The following DNAH9 variants were observed in gnomAD, a reference collection of about 807,000 sequenced individuals.
DNAH9 encodes the protein DNAH9 variant protein.
A neutral mutation model predicts 471.6 loss-of-function variants in DNAH9; 345 were observed. That is an observed-to-expected ratio of 0.73 (90% confidence interval 0.67 to 0.80). The LOEUF is 0.80. Ranked by LOEUF, DNAH9 falls within the 30% of genes least tolerant of loss-of-function variation. DNAH9 has a pLI of 0.00. For missense variants in DNAH9, 5,407 were observed against 5,609.2 expected, an observed-to-expected ratio of 0.96 and a Z score of 1.15; for synonymous variants, 2,093 against 2,123.6, an observed-to-expected ratio of 0.99 and a Z score of 0.40.
chr17:11,716,840 A>G (rs915074642), intron 26 of DNAH9, among the ~76,000 whole-genome samples: 4 of 152,144 alleles, frequency 2.6e-5, no homozygotes, highest in South Asian at 2.1e-4. Context: ...CAGGGATTGA[A>G]GACTCTGCTA....
rs887406446 is a variant in DNAH9 at position 11,781,114 on chromosome 17, A to G, written c.7658A>G (p.Asp2553Gly). 6.2e-7 allele frequency: 1 copy of G among 1,614,074 alleles called. No homozygotes were observed. The highest frequency in any genetic ancestry group is 8.5e-7 in the Non-Finnish European group (1 of 1,180,052). The change falls in exon 39 of 69, where the codon GAT (aspartate) becomes GGT (glycine). Residue 2553 changes from aspartate (D) to glycine (G), a missense_variant. Asp to Gly is a moderately conservative substitution (Grantham distance 94, BLOSUM62 -1). This residue lies in a region of DNAH9 where 4,636 missense variants were observed against 4,900.3 expected (regional missense o/e 0.95). Coordinates refer to ENST00000262442, the MANE Select transcript of DNAH9 (RefSeq NM_001372.4). The stretch of plus-strand genomic sequence containing the variant: ...GATGACATGAACATGCCTGAGGTGG[A>G]TGCCTACGGGACGGTGCAGCCCCAC... The part of the protein sequence containing the change: ...FIDDMNMPEV[D>G]AYGTVQPHTI...
At chr17:11,726,138 C>T (rs1243899996) in intron 27 of DNAH9, among the ~76,000 whole-genome samples, 1 of 152,142 alleles carries the variant, frequency 6.6e-6, no homozygotes, top group Non-Finnish European at 1.5e-5. Context: ...AGCCTTACCC[C>T]TTCCATTCTA....
At chr17:11,786,807 G>A (rs1169449720) in intron 41 of DNAH9, among the ~76,000 whole-genome samples, 5 of 152,206 alleles carry the variant, frequency 3.3e-5, no homozygotes, top group Non-Finnish European at 7.3e-5. Flanking sequence ...AGACATGGGA[G>A]TGGAGATTGT....
At chr17:11,752,392 G>T (rs1967193575) in intron 32 of DNAH9, among the ~76,000 whole-genome samples, 1 of 152,210 alleles carries the variant, frequency 6.6e-6, no homozygotes, top group Non-Finnish European at 1.5e-5. Flanking sequence ...GTTATGAAAA[G>T]TTAGACTAAA....
intron 15 of DNAH9, among the ~76,000 whole-genome samples, chr17:11,665,724 T>C (rs1386669057): frequency 2.6e-5 from 4 of 152,124 alleles, no homozygotes; most frequent in Middle Eastern, 6.3e-3. Flanking sequence ...AAATAACCTA[T>C]AGAAGGATTT....
Position 11,598,512 on chromosome 17 carries a change from A to G in DNAH9, c.14A>G (p.Glu5Gly). The G allele has an allele frequency of 7.4e-7, 1 of 1,346,728 alleles. No individual in the cohort carries two copies. The highest frequency in any genetic ancestry group is 3.1e-5 in the East Asian group (1 of 32,748). The allele number at this position is 1,346,728 out of a possible 1,614,324, so 83.4% of individuals were successfully genotyped here. ...AGGCCGCGCGCGATGCGGCTCGCGG[A>G]GGAGCGGGCCGCGCTCGCGGCGGAG... is the stretch of plus-strand genomic sequence containing the variant. The part of the protein sequence containing the change: MRLA[E>G]ERAALAAENA... The change falls in exon 1 of 69, where the codon GAG becomes GGG. Residue 5 changes from glutamate (E) to glycine (G), a missense_variant. Glu to Gly is a moderately conservative substitution (Grantham distance 98). Around this residue, in one of 3 missense-constraint regions of DNAH9, gnomAD observed 767 missense variants for 692.5 expected, o/e 1.11. Coordinates refer to ENST00000262442, the MANE Select transcript of DNAH9 (RefSeq NM_001372.4).
chr17:11,874,753 A>AG (rs992290214), intron 52 of DNAH9, among the ~76,000 whole-genome samples, 196 bp from the exon 53 acceptor site: 9 of 123,656 alleles, frequency 7.3e-5, no homozygotes, highest in Admixed American at 1.5e-4. Flanking sequence ...TCATCCATGG[A>AG]GGGGAAAAAA....
intron 24 of DNAH9, among the ~76,000 whole-genome samples, chr17:11,703,351 C>T (rs151091066): frequency 2.1e-3 from 325 of 152,280 alleles, no homozygotes; most frequent in Non-Finnish European, 2.9e-3. Flanking sequence ...CTGTTTACTA[C>T]GATGAGATTC....
intron 1 of DNAH9, among the ~76,000 whole-genome samples, chr17:11,604,133 C>T (rs1447379934): frequency 6.6e-6 from 1 of 152,000 alleles, no homozygotes; most frequent in African/African-American, 2.4e-5. Context: ...AGCAATTCTC[C>T]TGCCTCAGCC....
At chr17:11,669,840 G>A in intron 17 of DNAH9, 46 bp downstream of exon 17, 1 of 1,493,352 alleles carries the variant, frequency 6.7e-7, no homozygotes, top group Non-Finnish European at 9.2e-7. Flanking sequence ...AGGCTGTGAG[G>A]AACACCATGT....
chr17:11,603,890 G>A (rs1304408076), intron 1 of DNAH9, among the ~76,000 whole-genome samples: 4 of 152,242 alleles, frequency 2.6e-5, no homozygotes, highest in South Asian at 4.2e-4. Flanking sequence ...TGACCTGAGA[G>A]CAGCGTTTGT....
At chr17:11,909,577 A>G (rs778850508) in intron 61 of DNAH9, among the ~76,000 whole-genome samples, 1 of 152,082 alleles carries the variant, frequency 6.6e-6, no homozygotes, top group African/African-American at 2.4e-5. Context: ...CTTTGCACAT[A>G]TGGTGCATCC....
Position 11,883,716 on chromosome 17 carries a change from T to A in DNAH9, c.10937T>A (p.Ile3646Asn). The A allele has an allele frequency of 6.2e-7, 1 of 1,614,054 alleles. No homozygotes were observed. The highest frequency in any genetic ancestry group is 8.5e-7 in the Non-Finnish European group (1 of 1,179,978). Reference sequence around the variant, plus strand: ...ACAGTGCTGGTGGAAAACCTAGAGATCACCAAGCAGACTGCTGCCGAAGTT... The same window carrying A: ...ACAGTGCTGGTGGAAAACCTAGAGAACACCAAGCAGACTGCTGCCGAAGTT... Reference protein sequence around the residue: ...GETVLVENLEITKQTAAEVEK... With the variant: ...GETVLVENLENTKQTAAEVEK... The change falls in exon 56 of 69, where the codon ATC becomes AAC. Residue 3646 changes from isoleucine (I) to asparagine (N), a missense_variant. Ile to Asn is a moderately radical substitution (Grantham distance 149). This residue lies in a region of DNAH9 where 4,636 missense variants were observed against 4,900.3 expected (regional missense o/e 0.95). Transcript: ENST00000262442.
At chr17:11,688,685 A>T (rs534618911) in intron 19 of DNAH9, among the ~76,000 whole-genome samples, 1 of 152,248 alleles carries the variant, frequency 6.6e-6, no homozygotes, top group Non-Finnish European at 1.5e-5. Flanking sequence ...GGGCATGGGG[A>T]TCTTACAAAG....
chr17:11,704,317 C>T lies in DNAH9; in HGVS notation c.5266C>T (p.Gln1756Ter). Reference sequence around the variant, plus strand: ...GGACTATTATAAGAAGCAAGTGGCCCAGCTCAAAACCCTTATCACCATGCT... The same window carrying T: ...GGACTATTATAAGAAGCAAGTGGCCTAGCTCAAAACCCTTATCACCATGCT... ...MKDYYKKQVA[Q>*]LKTLITMLIG... Residue 1756 changes from glutamine (Q) to a stop codon, truncating the protein, a stop_gained, in exon 25 of 69, where the codon CAG becomes TAG. Transcript: ENST00000262442. LOFTEE classifies it high-confidence loss of function. 6.2e-7 allele frequency: 1 copy of T among 1,614,120 alleles called. No individual in the cohort carries two copies. Among genetic ancestry groups the T allele is most frequent in the African/African-American group, 1.3e-5 (1 of 75,026 alleles).
At chr17:11,716,779 C>G (rs2074972145) in intron 26 of DNAH9, among the ~76,000 whole-genome samples, 1 of 152,158 alleles carries the variant, frequency 6.6e-6, no homozygotes, top group African/African-American at 2.4e-5. Context: ...GAGGGGACAG[C>G]TATGGGACAG....
intron 9 of DNAH9, among the ~76,000 whole-genome samples, chr17:11,638,906 C>T (rs983508025): frequency 6.6e-6 from 1 of 152,184 alleles, no homozygotes; most frequent in African/African-American, 2.4e-5. Context: ...CAGCCAAGGG[C>T]CACTCTTTGC....
At chr17:11,852,801 A>AGT (rs375315617) in intron 49 of DNAH9, among the ~76,000 whole-genome samples, 4,502 of 39,764 alleles carry the variant, frequency 0.11, 322 homozygotes, top group African/African-American at 0.13. Flanking sequence ...TATATAAGAA[A>AGT]GTGTGTGTGT....
At chr17:11,766,193 T>G (rs1392824366) in intron 36 of DNAH9, among the ~76,000 whole-genome samples, 1 of 151,966 alleles carries the variant, frequency 6.6e-6, no homozygotes, top group African/African-American at 2.4e-5. Context: ...GGTAGGAGTT[T>G]GGTCAAAATA....
Sources: gnomAD v4.1 joint callset for allele counts (sites outside exome capture counted in the v4.1 genomes callset) on GRCh38, gnomAD v4.1.1 for gene constraint, gnomAD v4.1.1 regional missense constraint, MANE v1.5 for transcripts, NCBI Gene and HGNC (gene_info 2026-07-23, HGNC 2026-07-21) for gene names.